The following SLC4A8 variants were observed in gnomAD, a reference collection of about 807,000 sequenced individuals.
The protein encoded by SLC4A8 is solute carrier family 4 member 8.
SLC4A8 carries 40 observed loss-of-function variants against 125.0 expected under a neutral mutation model. That is an observed-to-expected ratio of 0.32 (90% confidence interval 0.25 to 0.42). The LOEUF is 0.42. Ranked by LOEUF, SLC4A8 falls within the 10% of genes least tolerant of loss-of-function variation. The pLI, the probability that SLC4A8 is intolerant of heterozygous loss-of-function variation, is 1.00. For synonymous variants in SLC4A8, 456 were observed against 476.0 expected, an observed-to-expected ratio of 0.96 and a Z score of 0.55; for missense variants, 863 against 1,355.1, an observed-to-expected ratio of 0.64 and a Z score of 5.70.
chr12:51,425,059 C>T (rs1404282294), intron 1 of SLC4A8, 24 bp downstream of exon 1: 1 of 1,544,952 alleles, frequency 6.5e-7, no homozygotes. Flanking sequence ...TCCCGCGCCT[C>T]CCGCTCCTCC....
rs866356913 is a variant in SLC4A8 at position 51,503,247 on chromosome 12, C to T, written c.3082-782C>T. 1.6e-4 allele frequency among the ~76,000 whole-genome samples: 24 copies of T among 148,052 alleles called. 1 individual carries two copies. In the South Asian group the frequency reaches 1.7e-3, roughly 11 times the overall value. On this transcript the variant is annotated intron_variant, in intron 22 of 24. Transcript: ENST00000453097. ...TTTTATTTTTATTTTTTTTTTGAGACGGAGTCTCACCCTGTTGCCCAGGCT... is the reference window on the plus strand; with the variant it reads ...TTTTATTTTTATTTTTTTTTTGAGATGGAGTCTCACCCTGTTGCCCAGGCT...
In SLC4A8 at chr12:51,510,416, T is replaced by G. The variant is rs911355764; in HGVS notation, c.*2978T>G. 5 of 77,618 alleles carry G rather than the reference T, an allele frequency of 6.4e-5. No homozygotes were observed. The Admixed American group carries it at 7.0e-4, about 11-fold the overall frequency. The allele number at this position is 77,618 out of a possible 1,614,324, so 4.8% of individuals were successfully genotyped here. ...TCCAGCCTGGGTGACAGAGCAAGAC[T>G]CCATTTCAAAAAAAAAAAAAAAAAA... On this transcript the variant is annotated 3_prime_UTR_variant, in exon 25 of 25. Coordinates refer to ENST00000453097, the MANE Select transcript of SLC4A8 (RefSeq NM_001039960.3).
intron 1 of SLC4A8, among the ~76,000 whole-genome samples, chr12:51,438,839 A>C (rs1397885732): frequency 6.6e-6 from 1 of 152,146 alleles, no homozygotes; most frequent in Non-Finnish European, 1.5e-5. Flanking sequence ...GTGAGATGAT[A>C]CCTCATTTTG....
chr12:51,422,735 C>A (rs1948819298), upstream of SLC4A8, among the ~76,000 whole-genome samples: 1 of 152,210 alleles, frequency 6.6e-6, no homozygotes, highest in African/African-American at 2.4e-5. Context: ...CAAATTGTGG[C>A]TACCCTGAAT....
intron 22 of SLC4A8, among the ~76,000 whole-genome samples, chr12:51,502,712 T>C (rs1389659913): frequency 2.0e-5 from 3 of 152,004 alleles, no homozygotes; most frequent in African/African-American, 7.2e-5. Context: ...GACGTTGGCA[T>C]GGTTGTGGAG....
chr12:51,443,739 CA>C (rs932488608), intron 2 of SLC4A8, among the ~76,000 whole-genome samples: 3 of 152,180 alleles, frequency 2.0e-5, no homozygotes, highest in Non-Finnish European at 4.4e-5. Context: ...TTCACCTCTG[CA>C]GTTATTGACT....
chr12:51,493,447 G>T (rs1352378115), intron 19 of SLC4A8, among the ~76,000 whole-genome samples: 2 of 151,984 alleles, frequency 1.3e-5, no homozygotes, highest in Non-Finnish European at 2.9e-5. Context: ...CATGGAGGAG[G>T]AAGAGCCAGA....
At chr12:51,417,596 C>T (rs1948710378) in intron 1 of SLC4A8, among the ~76,000 whole-genome samples, 1 of 151,256 alleles carries the variant, frequency 6.6e-6, no homozygotes, top group African/African-American at 2.4e-5. Flanking sequence ...TGGCTCGCTG[C>T]AGCCTCCACC....
At chr12:51,498,210 G>A (rs1207446731) in intron 22 of SLC4A8, among the ~76,000 whole-genome samples, 1 of 151,988 alleles carries the variant, frequency 6.6e-6, no homozygotes, top group Non-Finnish European at 1.5e-5. Context: ...ATGCTTTCAG[G>A]CATCCAAAAC....
At position 51,495,062 on chromosome 12, in the gene SLC4A8, C is replaced by T; in HGVS notation, c.2887C>T (p.Leu963Phe). ...HLFTLIQLTC[L>F]VLLWVIKASP... is the part of the protein sequence containing the mutation. ...CTTCACCCTCATCCAGTTGACCTGTCTCGTCCTGCTCTGGGTCATCAAGGC... is the reference window on the plus strand; with the variant it reads ...CTTCACCCTCATCCAGTTGACCTGTTTCGTCCTGCTCTGGGTCATCAAGGC... The change falls in exon 21 of 25, where the codon CTC (leucine) becomes TTC (phenylalanine). Residue 963 changes from leucine (L) to phenylalanine (F), a missense_variant. Transcript: ENST00000453097. 1.9e-6 allele frequency: 3 copies of T among 1,614,128 alleles called. No individual in the cohort carries two copies. The highest frequency in any genetic ancestry group is 2.5e-6 in the Non-Finnish European group (3 of 1,179,946).
intron 16 of SLC4A8, among the ~76,000 whole-genome samples, chr12:51,483,052 TC>T (rs578183255): frequency 1.5e-3 from 235 of 152,146 alleles, no homozygotes; most frequent in African/African-American, 5.4e-3. Context: ...CTTTTGTGGT[TC>T]CCCCCACCCC....
rs148467747 is a variant in SLC4A8, at chr12:51,475,072, A to C, written c.2038A>C (p.Met680Leu). 1.2e-6 allele frequency: 2 copies of C among 1,614,076 alleles called. No individual in the cohort carries two copies. Among genetic ancestry groups the C allele is most frequent in the Non-Finnish European group, 1.7e-6 (2 of 1,179,968 alleles). ...SECQEMHGEF[M>L]GSACGHHGPY... ...ATGCCAGGAGATGCATGGAGAGTTC[A>C]TGGGATCTGCGTGCGGCCATCATGG... is the stretch of plus-strand genomic sequence containing the variant. Residue 680 changes from methionine to leucine, a missense_variant, in exon 16 of 25, where the codon ATG becomes CTG. Physicochemically the swap from Met to Leu is conservative, Grantham distance 15. Coordinates refer to ENST00000453097, the MANE Select transcript of SLC4A8 (RefSeq NM_001039960.3).
chr12:51,406,048 A>G (rs367572009), intron 1 of SLC4A8, among the ~76,000 whole-genome samples: 6 of 152,332 alleles, frequency 3.9e-5, no homozygotes, highest in African/African-American at 1.4e-4. Flanking sequence ...AGGTGATGTA[A>G]TGGGGTTATC....
rs1370178039 is a variant in SLC4A8 at position 51,511,644 on chromosome 12, C to T, written c.*4206C>T. ...CCTCAGGTGATCCACCCACCTCAGC[C>T]TCCCAAAGTGCTGGGATTACAGGTA... On this transcript the variant is annotated 3_prime_UTR_variant, in exon 25 of 25. Transcript: ENST00000453097. 3.3e-5 allele frequency: 5 copies of T among 152,268 alleles called. No homozygotes were observed. Among genetic ancestry groups the T allele is most frequent in the African/African-American group, 1.2e-4 (5 of 41,450 alleles). The allele number at this position is 152,268 out of a possible 1,614,324, so 9.4% of individuals were successfully genotyped here.
chr12:51,419,987 G>A (rs946276234), upstream of SLC4A8: 2 of 152,210 alleles, frequency 1.3e-5, no homozygotes. Context: ...AATGAAAATT[G>A]TATTCTGTAG....
intron 1 of SLC4A8, 35 bp from the exon 2 acceptor site, chr12:51,440,673 T>G: frequency 2.6e-6 from 4 of 1,521,208 alleles, no homozygotes; most frequent in Non-Finnish European, 3.6e-6. Flanking sequence ...ACGAGGTATG[T>G]GTATTACTGT....
At chr12:51,434,834 T>C (rs1949349493) in intron 1 of SLC4A8, among the ~76,000 whole-genome samples, 1 of 152,188 alleles carries the variant, frequency 6.6e-6, no homozygotes, top group Non-Finnish European at 1.5e-5. Flanking sequence ...TAATTATTCA[T>C]ATATCTAATT....
intron 7 of SLC4A8, among the ~76,000 whole-genome samples, 165 bp downstream of exon 7, chr12:51,458,815 C>A (rs555329694): frequency 1.3e-5 from 2 of 152,186 alleles, no homozygotes; most frequent in South Asian, 4.1e-4. Context: ...TGTCTTTTCC[C>A]TTCTCCTTCA....
intron 1 of SLC4A8, among the ~76,000 whole-genome samples, chr12:51,396,304 GATA>G (rs1948259863): frequency 6.6e-6 from 1 of 152,110 alleles, no homozygotes; most frequent in South Asian, 2.1e-4. Flanking sequence ...GAGATACAAG[GATA>G]ATAAGTCATG....
Sources: gnomAD v4.1 joint callset for allele counts (sites outside exome capture counted in the v4.1 genomes callset) on GRCh38, gnomAD v4.1.1 for gene constraint, MANE v1.5 for transcripts, NCBI Gene and HGNC (gene_info 2026-07-23, HGNC 2026-07-21) for gene names.